PPIL6: variants seen among roughly 807,000 people sequenced by gnomAD.
PPIL6 encodes peptidylprolyl isomerase like 6.
Under a neutral mutation model 36.8 loss-of-function variants are expected in PPIL6, and 39 were observed. The observed-to-expected ratio is 1.06, with a 90% confidence interval of 0.82 to 1.38. The LOEUF is 1.38. Ranked by LOEUF, PPIL6 falls within the 40% of genes most tolerant of loss-of-function variation. The probability of loss-of-function intolerance (pLI) is 0.00; values close to 1 mark genes in which losing one functional copy is unlikely to be tolerated. For missense variants in PPIL6, 368 were observed against 379.1 expected, an observed-to-expected ratio of 0.97 and a Z score of 0.24; for synonymous variants, 123 against 134.1, an observed-to-expected ratio of 0.92 and a Z score of 0.57.
intron 6 of PPIL6, among the ~76,000 whole-genome samples, chr6:109,410,891 C>A (rs1772987085): frequency 6.6e-6 from 1 of 152,128 alleles, no homozygotes; most frequent in Non-Finnish European, 1.5e-5. Flanking sequence ...GGGTGTCCCG[C>A]CACCCCCATC....
At chr6:109,397,024 C>T (rs991680691) in intron 7 of PPIL6, among the ~76,000 whole-genome samples, 1 of 150,184 alleles carries the variant, frequency 6.7e-6, no homozygotes, top group Non-Finnish European at 1.5e-5. Flanking sequence ...GGAAGGTATC[C>T]CTGAAGGAGT....
At chr6:109,435,948 A>T (rs1774423280) in intron 2 of PPIL6, among the ~76,000 whole-genome samples, 156 bp downstream of exon 2, 1 of 152,172 alleles carries the variant, frequency 6.6e-6, no homozygotes, top group Admixed American at 6.5e-5. Context: ...CTAGCTTGGT[A>T]AATGATTAAT....
chr6:109,401,279 AT>A (rs1772526062), intron 6 of PPIL6, among the ~76,000 whole-genome samples: 1 of 152,148 alleles, frequency 6.6e-6, no homozygotes, highest in African/African-American at 2.4e-5. Flanking sequence ...AAAGAGTTGT[AT>A]GGTGATTATT....
In PPIL6 at chr6:109,392,837, G is replaced by A. The variant is rs1225472597; in HGVS notation, c.925C>T (p.Pro309Ser). 1.3e-6 allele frequency: 2 copies of A among 1,526,932 alleles called. No individual in the cohort carries two copies. Among genetic ancestry groups the A allele is most frequent in the Non-Finnish European group, 9.0e-7 (1 of 1,110,526 alleles). The allele number at this position is 1,526,932 out of a possible 1,614,324, so 94.6% of individuals were successfully genotyped here. ...HMCRITDSGD[P>S]YA ...TATTGATATGAAAATCAAGCATAAG[G>A]ATCTCCACTGTCAGTAATTCTACAC... Residue 309 changes from proline (P) to serine (S), a missense_variant, in exon 8 of 8, where the codon CCT (proline) becomes TCT (serine). Pro to Ser is a moderately conservative substitution (Grantham distance 74). Transcript: ENST00000521072.
rs1280126129 is a variant in PPIL6, at chr6:109,394,807, G to A, written c.825-1870C>T. Reference sequence around the variant, plus strand: ...CAAAGGCACAGGGACTGTTCTTGGAGTGATGGTACTATGGTTTGGTTGCAG... The same window carrying A: ...CAAAGGCACAGGGACTGTTCTTGGAATGATGGTACTATGGTTTGGTTGCAG... On this transcript the variant is annotated intron_variant, in intron 7 of 7. Transcript: ENST00000521072. Among the ~76,000 whole-genome samples the A allele has an allele frequency of 2.6e-5, 4 of 152,366 alleles. No individual in the cohort carries two copies. The East Asian group carries it at 5.8e-4, about 22-fold the overall frequency.
rs774483914 is a variant in PPIL6, at chr6:109,426,888, A to C, written c.590T>G (p.Ile197Ser). The change falls in exon 5 of 8, where the codon ATT becomes AGT. Residue 197 changes from isoleucine (I) to serine (S), a missense_variant. Transcript: ENST00000521072. ...GCCATTCTGTACTATTCGATGAAAA[A>C]TGGAATTTTTGTAATGTAGTCTTAT... ...RGIRLHYKNS[I>S]FHRIVQNGWI... is the part of the protein sequence containing the mutation. 6.2e-7 allele frequency: 1 copy of C among 1,601,460 alleles called. No individual in the cohort carries two copies.
intron 3 of PPIL6, among the ~76,000 whole-genome samples, chr6:109,427,992 C>T (rs1773914141): frequency 6.6e-6 from 1 of 152,120 alleles, no homozygotes; most frequent in Admixed American, 6.5e-5. Context: ...AAAATCAGGT[C>T]CCTATATCCA....
chr6:109,425,906 G>T (rs1305320784), intron 5 of PPIL6, among the ~76,000 whole-genome samples: 1 of 152,106 alleles, frequency 6.6e-6, no homozygotes, highest in Admixed American at 6.5e-5. Flanking sequence ...TTCACCAATG[G>T]GGAATTAATT....
chr6:109,403,096 C>T, intron 6 of PPIL6: 2 of 1,527,322 alleles, frequency 1.3e-6, no homozygotes, highest in Non-Finnish European at 1.8e-6. Context: ...TCTTTTCAAG[C>T]TTCCATAAAG....
chr6:109,406,315 G>C (rs1446367077), intron 6 of PPIL6, among the ~76,000 whole-genome samples: 1 of 151,782 alleles, frequency 6.6e-6, no homozygotes, highest in Non-Finnish European at 1.5e-5. Flanking sequence ...GTCTCCCACA[G>C]TGCTGGGATT....
chr6:109,440,334 C>G (rs1774751619), intron 1 of PPIL6, 122 bp downstream of exon 1: 6 of 1,245,072 alleles, frequency 4.8e-6, no homozygotes, highest in Non-Finnish European at 6.7e-6. Context: ...CACGCCAGCC[C>G]CTTCCTCGGC....
chr6:109,440,021 T>C (rs1328195005), intron 1 of PPIL6, among the ~76,000 whole-genome samples: 1 of 152,134 alleles, frequency 6.6e-6, no homozygotes, highest in African/African-American at 2.4e-5. Flanking sequence ...CCCGCATGAA[T>C]AGTTAACAAA....
chr6:109,420,241 G>A (rs906094709), intron 5 of PPIL6, among the ~76,000 whole-genome samples: 1 of 145,312 alleles, frequency 6.9e-6, no homozygotes, highest in Admixed American at 7.2e-5. Flanking sequence ...GCTGAGGCAG[G>A]AGAATTGCTT....
chr6:109,412,100 C>T (rs1302144853), intron 6 of PPIL6, among the ~76,000 whole-genome samples: 4 of 152,166 alleles, frequency 2.6e-5, no homozygotes, highest in Non-Finnish European at 4.4e-5. Context: ...CTACTGTTGC[C>T]GAGGCAACAC....
intron 6 of PPIL6, among the ~76,000 whole-genome samples, chr6:109,411,164 C>T (rs1772997845): frequency 6.6e-6 from 1 of 152,182 alleles, no homozygotes; most frequent in African/African-American, 2.4e-5. Flanking sequence ...CTGTCTATAA[C>T]CGCATAACAC....
intron 1 of PPIL6, among the ~76,000 whole-genome samples, chr6:109,438,897 T>C (rs956700487): frequency 3.9e-5 from 6 of 152,192 alleles, no homozygotes; most frequent in African/African-American, 1.4e-4. Flanking sequence ...TGTAAACAAT[T>C]CTAAAAAATC....
At chr6:109,414,477 C>CTTTTTTTTTTTTTT (rs146541023) in intron 6 of PPIL6, among the ~76,000 whole-genome samples, 4 of 86,512 alleles carry the variant, frequency 4.6e-5, no homozygotes, top group Non-Finnish European at 8.0e-5. Context: ...TGTCTTTTAG[C>CTTTTTTTTTTTTTT]TTTTTTTTTT....
rs190580309 is a variant in PPIL6, at chr6:109,435,571, C to T, written c.231+533G>A. Among the ~76,000 whole-genome samples the T allele has an allele frequency of 6.1e-4, 93 of 152,020 alleles. 1 individual carries two copies. In the East Asian group the frequency reaches 0.011, roughly 19 times the overall value. ...TTGGCCTCCCAAAGTGCTGGGATTA[C>T]AGGTGTGGGCCACCACACCCAGCCC... On this transcript the variant is annotated intron_variant, in intron 2 of 7. Coordinates refer to ENST00000521072, the MANE Select transcript of PPIL6 (RefSeq NM_173672.5).
At position 109,426,851 on chromosome 6, in the gene PPIL6, T is replaced by A. The variant is rs779075721; in HGVS notation, c.627A>T (p.Gly209=). Residue 209 remains glycine, a synonymous_variant, in exon 5 of 8, where the codon GGA becomes GGT. Transcript: ENST00000521072. ...HRIVQNGWIQ[G]GDIVYGKGDN... is the part of the protein sequence containing the mutation. ...TATTTAAGATTTTAAACTTACCCCC[T>A]CCTTGTATCCAGCCATTCTGTACTA... 3.3e-6 allele frequency: 5 copies of A among 1,521,462 alleles called. No individual in the cohort carries two copies. The highest frequency in any genetic ancestry group is 4.5e-6 in the Non-Finnish European group (5 of 1,121,694). 94.2% of individuals were successfully genotyped at this position (1,521,462 alleles called of 1,614,324 possible).
Sources: allele counts gnomAD v4.1 joint callset (sites outside exome capture counted in the v4.1 genomes callset), GRCh38; gene constraint gnomAD v4.1.1; transcripts MANE v1.5; gene names NCBI Gene and HGNC (gene_info 2026-07-23, HGNC 2026-07-21).